SMAD9: variants seen among roughly 807,000 people sequenced by gnomAD.
The protein encoded by SMAD9 is MAD homolog 9.
In SMAD9, 36 loss-of-function variants were observed where a neutral mutation model predicts 46.1. The observed-to-expected ratio is 0.78, with a 90% CI of 0.60 to 1.03. The LOEUF (loss-of-function observed/expected upper bound fraction) is 1.03, where lower values mean the gene tolerates loss of function less well. SMAD9 is among the 50% of genes least tolerant of loss of function. The pLI is 0.00. For synonymous variants in SMAD9, 245 were observed against 237.1 expected, an observed-to-expected ratio of 1.03 and a Z score of -0.31; for missense variants, 572 against 599.8, an observed-to-expected ratio of 0.95 and a Z score of 0.48.
chr13:36,869,829 C>CAA (rs34654500), intron 3 of SMAD9, among the ~76,000 whole-genome samples: 67 of 143,302 alleles, frequency 4.7e-4, no homozygotes, highest in East Asian at 8.2e-4. Context: ...AACTCCATCT[C>CAA]AAAAAAAAAA....
chr13:36,905,590 T>C (rs2058612230), intron 1 of SMAD9, among the ~76,000 whole-genome samples: 12 of 151,574 alleles, frequency 7.9e-5, no homozygotes. Flanking sequence ...ACCCCATCTC[T>C]ACAAAAACAA....
At chr13:36,873,213 C>T (rs564258798) in intron 2 of SMAD9, among the ~76,000 whole-genome samples, 1 of 152,300 alleles carries the variant, frequency 6.6e-6, no homozygotes, top group Non-Finnish European at 1.5e-5. Flanking sequence ...AGTGTCAGCA[C>T]TCTAAAGAGA....
At chr13:36,853,824 T>C (rs2058097242) in intron 5 of SMAD9, 149 bp from the exon 6 acceptor site, 5 of 822,788 alleles carry the variant, frequency 6.1e-6, no homozygotes. Flanking sequence ...AAATGCCGCT[T>C]AGTTTAATGA....
intron 3 of SMAD9, among the ~76,000 whole-genome samples, chr13:36,871,627 A>G (rs565299514): frequency 1.3e-5 from 2 of 152,380 alleles, no homozygotes; most frequent in Admixed American, 6.5e-5. Flanking sequence ...CTAGACATAG[A>G]AAAAAGAAGG....
chr13:36,880,311 T>A (rs1367185001), intron 1 of SMAD9, among the ~76,000 whole-genome samples: 2 of 152,172 alleles, frequency 1.3e-5, no homozygotes, highest in Non-Finnish European at 2.9e-5. Context: ...CTCTTATCAT[T>A]TTCCCATTTA....
At chr13:36,877,846 T>C (rs1171186858) in intron 2 of SMAD9, among the ~76,000 whole-genome samples, 3 of 152,082 alleles carry the variant, frequency 2.0e-5, no homozygotes, top group Non-Finnish European at 4.4e-5. Context: ...AAGACTGAGG[T>C]AGGCTGGGCA....
At chr13:36,915,106 T>G (rs2058688962) in intron 1 of SMAD9, among the ~76,000 whole-genome samples, 1 of 152,222 alleles carries the variant, frequency 6.6e-6, no homozygotes, top group Non-Finnish European at 1.5e-5. Context: ...TCTAGGGATG[T>G]GCTCCTGGGG....
chr13:36,856,453 T>A (rs1316481714), intron 5 of SMAD9, among the ~76,000 whole-genome samples: 2 of 152,102 alleles, frequency 1.3e-5, no homozygotes, highest in African/African-American at 4.8e-5. Flanking sequence ...CCTGGGCAGG[T>A]AGGCAGTCGT....
chr13:36,896,596 G>A (rs545031604), intron 1 of SMAD9, among the ~76,000 whole-genome samples: 1 of 152,144 alleles, frequency 6.6e-6, no homozygotes, highest in South Asian at 2.1e-4. Flanking sequence ...CCTGTAGCAT[G>A]CTTGTAAATG....
chr13:36,848,490 T>A lies in SMAD9; in HGVS notation c.*186A>T, dbSNP rs2058050014. The stretch of plus-strand genomic sequence containing the variant: ...AGGCACCAAAGTCCTGCTTTTCCAA[T>A]TGCACTGTACTGGCATCAGGTTAAC... On this transcript the variant is annotated 3_prime_UTR_variant, in exon 7 of 7. Transcript: ENST00000379826. 2 of 639,056 alleles carry A rather than the reference T, an allele frequency of 3.1e-6. No individual in the cohort carries two copies. The highest frequency in any genetic ancestry group is 2.8e-5 in the Admixed American group (1 of 36,198). 39.6% of individuals were successfully genotyped at this position (639,056 alleles called of 1,614,324 possible).
intron 5 of SMAD9, among the ~76,000 whole-genome samples, chr13:36,863,096 G>A (rs908066105): frequency 6.6e-6 from 1 of 152,180 alleles, no homozygotes; most frequent in African/African-American, 2.4e-5. Context: ...TCATTTGCTA[G>A]CCGAGGAATG....
chr13:36,862,234 C>T (rs2058189610), intron 5 of SMAD9, among the ~76,000 whole-genome samples: 1 of 152,090 alleles, frequency 6.6e-6, no homozygotes, highest in Admixed American at 6.5e-5. Context: ...ACCTACTGGG[C>T]TGCATTCCCA....
At chr13:36,859,165 G>A (rs1266491637) in intron 5 of SMAD9, among the ~76,000 whole-genome samples, 1 of 152,180 alleles carries the variant, frequency 6.6e-6, no homozygotes, top group Non-Finnish European at 1.5e-5. Context: ...TGCATCCTAT[G>A]TTAAAATATT....
chr13:36,917,707 G>A (rs1010218778), intron 1 of SMAD9, among the ~76,000 whole-genome samples: 1 of 152,178 alleles, frequency 6.6e-6, no homozygotes, highest in Non-Finnish European at 1.5e-5. Context: ...AGTACATCCT[G>A]TGGATAAGGA....
intron 2 of SMAD9, among the ~76,000 whole-genome samples, chr13:36,877,971 T>C (rs564890402): frequency 6.6e-6 from 1 of 152,294 alleles, no homozygotes; most frequent in African/African-American, 2.4e-5. Flanking sequence ...CGCTTTGGTT[T>C]CCTGGGATGA....
At chr13:36,877,011 A>C (rs748048013) in intron 2 of SMAD9, among the ~76,000 whole-genome samples, 6 of 152,202 alleles carry the variant, frequency 3.9e-5, no homozygotes, top group Non-Finnish European at 8.8e-5. Flanking sequence ...ATAAAATGAA[A>C]TATATTTACC....
At chr13:36,911,551 G>C (rs1170600410) in intron 1 of SMAD9, among the ~76,000 whole-genome samples, 1 of 142,808 alleles carries the variant, frequency 7.0e-6, no homozygotes, top group Non-Finnish European at 1.5e-5. Flanking sequence ...ATGATGTGTG[G>C]GCAATTTTTA....
chr13:36,911,732 G>C (rs2058663676), intron 1 of SMAD9, among the ~76,000 whole-genome samples: 1 of 144,982 alleles, frequency 6.9e-6, no homozygotes, highest in Admixed American at 6.9e-5. Flanking sequence ...TTTTGAGACA[G>C]AGTTTTGCTC....
intron 5 of SMAD9, among the ~76,000 whole-genome samples, chr13:36,863,267 G>A (rs1156741805): frequency 6.6e-6 from 1 of 152,018 alleles, no homozygotes; most frequent in African/African-American, 2.4e-5. Context: ...CCACCCACAC[G>A]CTTTATGGCA....
Sources: gnomAD v4.1 joint callset for allele counts (sites outside exome capture counted in the v4.1 genomes callset) on GRCh38, gnomAD v4.1.1 for gene constraint, MANE v1.5 for transcripts, NCBI Gene and HGNC (gene_info 2026-07-23, HGNC 2026-07-21) for gene names.